The following PTPN12 variants were observed in gnomAD, a reference collection of about 807,000 sequenced individuals.
PTPN12 encodes tyrosine-protein phosphatase non-receptor type 12.
In PTPN12, 29 loss-of-function variants were observed where a neutral mutation model predicts 97.6. That is an observed-to-expected ratio of 0.30 (90% CI 0.22 to 0.41). The LOEUF is 0.41. PTPN12 is among the 10% of genes least tolerant of loss of function. The pLI, the probability that PTPN12 is intolerant of heterozygous loss-of-function variation, is 1.00. For missense variants in PTPN12, 819 were observed against 926.0 expected, an observed-to-expected ratio of 0.88 and a Z score of 1.50; for synonymous variants, 327 against 300.4, an observed-to-expected ratio of 1.09 and a Z score of -0.91.
At chr7:77,639,112 G>A (rs1057063858) in intron 17 of PTPN12, 107 bp from the exon 18 acceptor site, 4 of 907,760 alleles carry the variant, frequency 4.4e-6, no homozygotes, top group Non-Finnish European at 4.9e-6. Flanking sequence ...AAATTCCCTT[G>A]TGGAAATTTA....
chr7:77,584,332 A>G (rs1787617808), intron 4 of PTPN12, among the ~76,000 whole-genome samples: 1 of 152,200 alleles, frequency 6.6e-6, no homozygotes, highest in Admixed American at 6.5e-5. Context: ...TGAAAGATTA[A>G]TAAAAGGGGG....
In PTPN12 at chr7:77,639,322, C is replaced by G. The variant is rs761187572; in HGVS notation, c.*42C>G. Reference sequence around the variant, plus strand: ...ACACTTTAAGTTATACTGGAAAATTCAGGTGCCACTGAAAGCCAGATTTAT... The same window carrying G: ...ACACTTTAAGTTATACTGGAAAATTGAGGTGCCACTGAAAGCCAGATTTAT... On this transcript the variant is annotated 3_prime_UTR_variant, in exon 18 of 18. Coordinates refer to ENST00000248594, the MANE Select transcript of PTPN12 (RefSeq NM_002835.4). The G allele has an allele frequency of 6.6e-7, 1 of 1,519,866 alleles. No homozygotes were observed. Among genetic ancestry groups the G allele is most frequent in the Non-Finnish European group, 9.1e-7 (1 of 1,099,892 alleles). The allele number at this position is 1,519,866 out of a possible 1,614,324, so 94.1% of individuals were successfully genotyped here.
At chr7:77,551,133 T>C (rs540497510) in intron 1 of PTPN12, among the ~76,000 whole-genome samples, 1 of 152,224 alleles carries the variant, frequency 6.6e-6, no homozygotes, top group Non-Finnish European at 1.5e-5. Context: ...TGATCTCTGC[T>C]CACTGCAGTC....
At position 77,625,472 on chromosome 7, in the gene PTPN12, G is replaced by GCTCGCGCGCGCGCTCTCTCT; in HGVS notation, c.1026-1230_1026-1229insGCGCGCGCGCTCTCTCTCTC. ...TTTTGCCATATTGCCCAGGCTGCTC[G>GCTCGCGCGCGCGCTCTCTCT]CTCTCTCTCTCTCTCTCTCTCTCTC... On this transcript the variant is annotated intron_variant, in intron 12 of 17. Coordinates refer to ENST00000248594, the MANE Select transcript of PTPN12 (RefSeq NM_002835.4). Among the ~76,000 whole-genome samples, 54 of 33,528 alleles carry GCTCGCGCGCGCGCTCTCTCT rather than the reference G, an allele frequency of 1.6e-3. 7 individuals are homozygous for GCTCGCGCGCGCGCTCTCTCT. Among genetic ancestry groups the GCTCGCGCGCGCGCTCTCTCT allele is most frequent in the Admixed American group, 2.0e-3 (4 of 1,984 alleles). The allele number at this position is 33,528 out of a possible 152,430, so 22.0% of individuals were successfully genotyped here. A position where few individuals can be genotyped will look rare whatever the true frequency, so the allele number is the denominator to read the frequency against.
intron 4 of PTPN12, among the ~76,000 whole-genome samples, chr7:77,584,721 C>A (rs1041099303): frequency 2.6e-5 from 4 of 151,904 alleles, no homozygotes; most frequent in Non-Finnish European, 4.4e-5. Context: ...ACTAAAAATA[C>A]AAAAAATTAG....
chr7:77,585,508 C>T (rs759760042), intron 4 of PTPN12, 35 bp from the exon 5 acceptor site: 27 of 1,566,310 alleles, frequency 1.7e-5, no homozygotes, highest in African/African-American at 9.5e-5. Context: ...TTAACTGATA[C>T]GTTCTTTATC....
intron 1 of PTPN12, among the ~76,000 whole-genome samples, chr7:77,552,306 T>G (rs977564947): frequency 6.6e-6 from 1 of 152,186 alleles, no homozygotes; most frequent in Admixed American, 6.5e-5. Context: ...GTATGTTTTT[T>G]TTTTTTTGAA....
At chr7:77,558,214 AAAAAAAAAAAAAAG>A (rs1408363923) in intron 1 of PTPN12, among the ~76,000 whole-genome samples, 1 of 145,104 alleles carries the variant, frequency 6.9e-6, no homozygotes, top group African/African-American at 2.5e-5. Context: ...CCATCTCAAA[AAAAAAAAAAAAAAG>A]AAAAAGAAAA....
chr7:77,582,084 C>CTTTTTTTTTTTTTTTTTTTTTTTTT lies in PTPN12; in HGVS notation c.285+585_285+609dup, dbSNP rs11341609. On this transcript the variant is annotated intron_variant, in intron 3 of 17. Transcript: ENST00000248594. ...CCCTTTGATGAAAAGCAGTCAAGTT[C>CTTTTTTTTTTTTTTTTTTTTTTTTT]TTTTTTTTTTTTTTTTTTTTTTTTT... Among the ~76,000 whole-genome samples, 9 of 52,846 alleles carry CTTTTTTTTTTTTTTTTTTTTTTTTT rather than the reference C, an allele frequency of 1.7e-4. 2 individuals carry two copies. Among genetic ancestry groups the CTTTTTTTTTTTTTTTTTTTTTTTTT allele is most frequent in the Non-Finnish European group, 2.6e-4 (8 of 30,310 alleles). The allele number at this position is 52,846 out of a possible 152,430, so 34.7% of individuals were successfully genotyped here.
chr7:77,578,722 C>T (rs1787414781), intron 2 of PTPN12, among the ~76,000 whole-genome samples: 1 of 152,054 alleles, frequency 6.6e-6, no homozygotes, highest in African/African-American at 2.4e-5. Flanking sequence ...GATACTCATT[C>T]ATGGATTAGA....
chr7:77,619,206 T>TA (rs1159058305), intron 12 of PTPN12, among the ~76,000 whole-genome samples: 1 of 152,090 alleles, frequency 6.6e-6, no homozygotes, highest in Non-Finnish European at 1.5e-5. Context: ...AAGGATTAAA[T>TA]AAAAAACTAT....
chr7:77,630,727 T>C (rs1207980550), intron 13 of PTPN12, among the ~76,000 whole-genome samples: 3 of 152,228 alleles, frequency 2.0e-5, no homozygotes, highest in African/African-American at 7.2e-5. Context: ...CAAAAATTCT[T>C]AGCTATCAAT....
At chr7:77,608,891 G>A (rs1291602829) in intron 9 of PTPN12, among the ~76,000 whole-genome samples, 2 of 152,196 alleles carry the variant, frequency 1.3e-5, no homozygotes, top group Non-Finnish European at 2.9e-5. Context: ...ATAAATGAAT[G>A]CTAGCAAACA....
intron 14 of PTPN12, among the ~76,000 whole-genome samples, chr7:77,634,574 G>A (rs769144668): frequency 2.2e-4 from 34 of 151,424 alleles, no homozygotes; most frequent in Non-Finnish European, 4.1e-4. Context: ...CATGTAGCTG[G>A]GACTACAGGT....
At chr7:77,634,499 G>A (rs1353612705) in intron 14 of PTPN12, among the ~76,000 whole-genome samples, 7 of 152,220 alleles carry the variant, frequency 4.6e-5, no homozygotes, top group African/African-American at 1.7e-4. Flanking sequence ...GAGTGCAGTG[G>A]CACGATCTCG....
At chr7:77,618,697 AC>A in intron 12 of PTPN12, 132 bp downstream of exon 12, 1 of 611,724 alleles carries the variant, frequency 1.6e-6, no homozygotes. Flanking sequence ...GATGTAACAT[AC>A]GTATGACAAC....
intron 6 of PTPN12, among the ~76,000 whole-genome samples, chr7:77,592,575 T>C (rs577177992): frequency 6.6e-6 from 1 of 152,276 alleles, no homozygotes; most frequent in Non-Finnish European, 1.5e-5. Context: ...TCATTTCAAA[T>C]TGATTAAATG....
In PTPN12 at chr7:77,639,949, C is replaced by T. The variant is rs1402854745; in HGVS notation, c.*669C>T. ...AAGTGCCTTGGAACAATATTGAATT[C>T]TCTTAGCTTGTGTGTGTTTCTTTAA... On this transcript the variant is annotated 3_prime_UTR_variant, in exon 18 of 18. Transcript: ENST00000248594. The T allele has an allele frequency of 6.6e-6, 1 of 152,326 alleles. No homozygotes were observed. The highest frequency in any genetic ancestry group is 1.5e-5 in the Non-Finnish European group (1 of 67,986). The allele number at this position is 152,326 out of a possible 1,614,324, so 9.4% of individuals were successfully genotyped here. A position where few individuals can be genotyped will look rare whatever the true frequency, so the allele number is the denominator to read the frequency against.
intron 5 of PTPN12, among the ~76,000 whole-genome samples, chr7:77,586,221 T>C (rs1438519758): frequency 6.6e-6 from 1 of 152,214 alleles, no homozygotes; most frequent in Middle Eastern, 3.2e-3. Flanking sequence ...CCCAAAGTGC[T>C]AGGATTATAG....
Sources: allele counts gnomAD v4.1 joint callset (sites outside exome capture counted in the v4.1 genomes callset), GRCh38; gene constraint gnomAD v4.1.1; transcripts MANE v1.5; gene names NCBI Gene and HGNC (gene_info 2026-07-23, HGNC 2026-07-21).